The following SLC5A11 variants were observed in gnomAD, a reference collection of about 807,000 sequenced individuals.
SLC5A11 encodes solute carrier family 5 member 11.
SLC5A11 carries 48 observed loss-of-function variants against 69.8 expected under a neutral mutation model. That is an observed-to-expected ratio of 0.69 (90% CI 0.55 to 0.87). SLC5A11 has a LOEUF of 0.87. SLC5A11 is among the 40% of genes least tolerant of loss of function. The pLI is 0.00. For synonymous variants in SLC5A11, 319 were observed against 342.4 expected (o/e 0.93, Z 0.75); for missense variants, 784 against 866.1 (o/e 0.91, Z 1.19).
intron 3 of SLC5A11, among the ~76,000 whole-genome samples, chr16:24,868,966 C>T (rs1180704837): frequency 1.3e-5 from 2 of 151,498 alleles, no homozygotes; most frequent in Admixed American, 6.6e-5. Flanking sequence ...CTCCCGGGCT[C>T]GAGCGATTCT....
At chr16:24,859,043 T>C in intron 2 of SLC5A11, 1 of 290,900 alleles carries the variant, frequency 3.4e-6, no homozygotes, top group South Asian at 1.4e-4. Flanking sequence ...ACAATACCCA[T>C]TTTACAGATA....
At chr16:24,901,958 G>A (rs12935670) in intron 10 of SLC5A11, among the ~76,000 whole-genome samples, 8,890 of 136,374 alleles carry the variant, frequency 0.065, 401 homozygotes, top group Admixed American at 0.12. Flanking sequence ...ACACACACAC[G>A]CACACACACA....
chr16:24,874,794 C>T (rs1045444108), intron 5 of SLC5A11, among the ~76,000 whole-genome samples: 2 of 152,116 alleles, frequency 1.3e-5, no homozygotes, highest in African/African-American at 4.8e-5. Flanking sequence ...GTTGTCCAGG[C>T]TGGTGTTGAA....
chr16:24,889,092 C>T (rs768651966), intron 8 of SLC5A11, among the ~76,000 whole-genome samples: 14 of 152,060 alleles, frequency 9.2e-5, no homozygotes, highest in African/African-American at 2.2e-4. Flanking sequence ...CCACCTGGCC[C>T]GGCCCAATAT....
At chr16:24,866,368 A>G (rs923560656) in intron 3 of SLC5A11, among the ~76,000 whole-genome samples, 7 of 151,834 alleles carry the variant, frequency 4.6e-5, no homozygotes, top group African/African-American at 1.7e-4. Flanking sequence ...GGAGGCCAAG[A>G]TGGGTGGATC....
intron 3 of SLC5A11, among the ~76,000 whole-genome samples, chr16:24,867,692 A>T (rs376917299): frequency 1.2e-4 from 18 of 152,312 alleles, no homozygotes; most frequent in African/African-American, 4.3e-4. Flanking sequence ...AATTTCCATC[A>T]ACATTATGGA....
At chr16:24,910,937 G>A (rs984322497) in intron 15 of SLC5A11, among the ~76,000 whole-genome samples, 10 of 152,220 alleles carry the variant, frequency 6.6e-5, no homozygotes, top group African/African-American at 2.2e-4. Flanking sequence ...GGGAGGCCGA[G>A]GTGGGTGCAT....
In SLC5A11 at chr16:24,897,959, C is replaced by T. The variant is rs367642800; in HGVS notation, c.871-15C>T. On this transcript the variant is annotated splice_polypyrimidine_tract_variant and intron_variant, in intron 9 of 15. Coordinates refer to ENST00000347898, the Ensembl canonical transcript of SLC5A11. Reference sequence around the variant, plus strand: ...ATCAGCATTCCCAGTTTCCAACCCCCTTGATCTTTTCCAGGTGATTGTCCA... The same window carrying T: ...ATCAGCATTCCCAGTTTCCAACCCCTTTGATCTTTTCCAGGTGATTGTCCA... 2 of 1,613,502 alleles carry T rather than the reference C, an allele frequency of 1.2e-6. No homozygotes were observed. Among genetic ancestry groups the T allele is most frequent in the African/African-American group, 1.3e-5 (1 of 75,046 alleles).
chr16:24,898,204 G>A, intron 10 of SLC5A11, 95 bp downstream of exon 11: 1 of 1,438,254 alleles, frequency 7.0e-7, no homozygotes. Context: ...AAGAGAATGT[G>A]ACTACAGTCC....
intron 3 of SLC5A11, among the ~76,000 whole-genome samples, chr16:24,867,865 A>C (rs2047010984): frequency 1.3e-5 from 2 of 152,268 alleles, no homozygotes; most frequent in South Asian, 4.2e-4. Context: ...GGCCAAGCAC[A>C]GTGGCTCACC....
intron 10 of SLC5A11, among the ~76,000 whole-genome samples, chr16:24,900,207 T>C (rs1180664894): frequency 6.6e-6 from 1 of 152,170 alleles, no homozygotes; most frequent in Non-Finnish European, 1.5e-5. Flanking sequence ...CCTGAAACAG[T>C]GAGCTTTCCA....
chr16:24,870,443 A>AC (rs889909114), intron 4 of SLC5A11, among the ~76,000 whole-genome samples: 7 of 126,888 alleles, frequency 5.5e-5, no homozygotes, highest in Admixed American at 1.6e-4. Context: ...ACAAAAAAAA[A>AC]CACACACACA....
intron 10 of SLC5A11, among the ~76,000 whole-genome samples, chr16:24,905,125 C>G (rs900057770): frequency 2.6e-5 from 4 of 151,962 alleles, no homozygotes; most frequent in Non-Finnish European, 5.9e-5. Context: ...TTTAAATAAA[C>G]TATATGGAAA....
At chr16:24,896,130 G>A (rs937464384) in intron 9 of SLC5A11, among the ~76,000 whole-genome samples, 1 of 151,838 alleles carries the variant, frequency 6.6e-6, no homozygotes, top group African/African-American at 2.4e-5. Flanking sequence ...GAGGCAGGAG[G>A]GTTGTTTGAC....
chr16:24,884,210 C>T (rs1003460859), intron 8 of SLC5A11, 79 bp downstream of exon 9: 14 of 1,386,812 alleles, frequency 1.0e-5, no homozygotes, highest in South Asian at 6.1e-5. Context: ...ACACTGTGAA[C>T]GGCAAACCTA....
intron 8 of SLC5A11, among the ~76,000 whole-genome samples, chr16:24,890,248 A>G (rs1355151897): frequency 6.6e-6 from 1 of 151,954 alleles, no homozygotes; most frequent in African/African-American, 2.4e-5. Context: ...GGCATGGGAC[A>G]ATGGCCAGGA....
chr16:24,847,602 C>T (rs376918861), intron 1 of SLC5A11, among the ~76,000 whole-genome samples: 3 of 152,248 alleles, frequency 2.0e-5, no homozygotes, highest in Admixed American at 6.5e-5. Flanking sequence ...GCGATTCTCC[C>T]GCCTCAGCCT....
intron 5 of SLC5A11, among the ~76,000 whole-genome samples, chr16:24,873,941 CT>C (rs2047501795): frequency 6.6e-6 from 1 of 151,784 alleles, no homozygotes; most frequent in Admixed American, 6.6e-5. Context: ...ATTCTCCTCC[CT>C]CAACCTCCCA....
chr16:24,875,877 G>T, intron 6 of SLC5A11, 146 bp downstream of exon 7: 2 of 704,140 alleles, frequency 2.8e-6, no homozygotes. Flanking sequence ...TGGCATGGGG[G>T]GAGGTAAGCG....
Sources: gnomAD v4.1 joint callset for allele counts (sites outside exome capture counted in the v4.1 genomes callset) on GRCh38, gnomAD v4.1.1 for gene constraint, MANE v1.5 for transcripts, NCBI Gene and HGNC (gene_info 2026-07-23, HGNC 2026-07-21) for gene names.